MARCHF11: variants seen among roughly 807,000 people sequenced by gnomAD.
The protein encoded by MARCHF11 is membrane associated ring-CH-type finger 11.
MARCHF11 carries 29 observed loss-of-function variants against 37.3 expected under a neutral mutation model. The ratio of observed to expected loss-of-function variants is 0.78; its 90% CI spans 0.58 to 1.06. MARCHF11 has a LOEUF of 1.06. MARCHF11 is among the 50% of genes least tolerant of loss of function. The pLI is 0.00. For missense variants in MARCHF11, 482 were observed against 533.4 expected, an observed-to-expected ratio of 0.90 and a Z score of 0.95; for synonymous variants, 233 against 228.0, an observed-to-expected ratio of 1.02 and a Z score of -0.20.
Position 16,076,926 on chromosome 5 carries a change from G to C in MARCHF11, c.887-9133C>G, listed in dbSNP as rs376496558. Among the ~76,000 whole-genome samples, 45 of 152,364 alleles carry C rather than the reference G, an allele frequency of 3.0e-4. 2 individuals carry two copies. The highest frequency in any genetic ancestry group is 1.1e-3 in the African/African-American group (45 of 41,596). On this transcript the variant is annotated intron_variant, in intron 3 of 3. Coordinates refer to ENST00000332432, the MANE Select transcript of MARCHF11 (RefSeq NM_001102562.3). The stretch of plus-strand genomic sequence containing the variant: ...GGGATATTACACTGACTATGAAGGA[G>C]ATGACAGAATTAAATTAAAATCTCT...
intron 3 of MARCHF11, among the ~76,000 whole-genome samples, chr5:16,070,230 T>C (rs1353871263): frequency 6.6e-6 from 1 of 152,196 alleles, no homozygotes; most frequent in Non-Finnish European, 1.5e-5. Flanking sequence ...TTCCCCATGG[T>C]CAATAATTTA....
At chr5:16,119,826 T>C (rs1737284362) in intron 2 of MARCHF11, among the ~76,000 whole-genome samples, 1 of 152,210 alleles carries the variant, frequency 6.6e-6, no homozygotes, top group South Asian at 2.1e-4. Flanking sequence ...TTTCTATTTA[T>C]AGTAGTAAAA....
rs562452448 is a variant in MARCHF11, at chr5:16,121,201, C to T, written c.694-30120G>A. 2.6e-5 allele frequency among the ~76,000 whole-genome samples: 4 copies of T among 152,336 alleles called. No individual in the cohort carries two copies. In the South Asian group the frequency reaches 8.3e-4, roughly 32 times the overall value. ...CTATGATCCATCAGTGAGGCCCTCC[C>T]TTAATACATTCATTATACAGAAGTA... On this transcript the variant is annotated intron_variant, in intron 2 of 3. Transcript: ENST00000332432.
chr5:16,156,658 A>C (rs982419139), intron 2 of MARCHF11, among the ~76,000 whole-genome samples: 2 of 151,880 alleles, frequency 1.3e-5, no homozygotes, highest in African/African-American at 4.8e-5. Flanking sequence ...TATGGTCATT[A>C]ATTGCTTAAT....
intron 2 of MARCHF11, among the ~76,000 whole-genome samples, chr5:16,165,287 C>T (rs892907677): frequency 3.3e-5 from 5 of 151,330 alleles, no homozygotes; most frequent in Non-Finnish European, 4.4e-5. Context: ...TTTTTATTTA[C>T]ATAAAAGTTA....
chr5:16,172,810 G>C (rs1738292523), intron 2 of MARCHF11, among the ~76,000 whole-genome samples: 1 of 152,128 alleles, frequency 6.6e-6, no homozygotes, highest in African/African-American at 2.4e-5. Flanking sequence ...GTTAATTAAA[G>C]TTCTATGTAT....
chr5:16,090,265 G>T (rs373705571), intron 3 of MARCHF11, among the ~76,000 whole-genome samples: 1 of 152,188 alleles, frequency 6.6e-6, no homozygotes, highest in Non-Finnish European at 1.5e-5. Context: ...GGGAACAACA[G>T]ATGGGTCAAA....
intron 3 of MARCHF11, among the ~76,000 whole-genome samples, chr5:16,068,688 C>T (rs1289732747): frequency 6.6e-6 from 1 of 152,224 alleles, no homozygotes; most frequent in African/African-American, 2.4e-5. Flanking sequence ...AGATCTGTCA[C>T]ACACCCTGCA....
At chr5:16,098,171 G>A (rs115561811) in intron 2 of MARCHF11, among the ~76,000 whole-genome samples, 109 of 152,100 alleles carry the variant, frequency 7.2e-4, no homozygotes, top group Middle Eastern at 6.8e-3. Flanking sequence ...ACCTGAAAAG[G>A]GCATCTAAAA....
At chr5:16,103,408 A>G (rs1158503984) in intron 2 of MARCHF11, among the ~76,000 whole-genome samples, 1 of 152,168 alleles carries the variant, frequency 6.6e-6, no homozygotes, top group Non-Finnish European at 1.5e-5. Context: ...CCACGTGAGC[A>G]AGCTTGAAGG....
rs1276794685 is a variant in MARCHF11, at chr5:16,129,752, A to G, written c.694-38671T>C. ...TGAGTTTGTTTTCAGGTATTTCAAGAAGACATAGTGATTTCCAATTGACAT... is the reference window on the plus strand; with the variant it reads ...TGAGTTTGTTTTCAGGTATTTCAAGGAGACATAGTGATTTCCAATTGACAT... On this transcript the variant is annotated intron_variant, in intron 2 of 3. Transcript: ENST00000332432. Among the ~76,000 whole-genome samples, 3 of 152,294 alleles carry G rather than the reference A, an allele frequency of 2.0e-5. No homozygotes were observed. The East Asian group carries it at 5.8e-4, about 29-fold the overall frequency.
chr5:16,099,060 C>T (rs532832878), intron 2 of MARCHF11, among the ~76,000 whole-genome samples: 1 of 151,948 alleles, frequency 6.6e-6, no homozygotes, highest in Admixed American at 6.6e-5. Flanking sequence ...ACTTTTTAAG[C>T]TTAATAAAAG....
chr5:16,112,841 T>A (rs527913438), intron 2 of MARCHF11, among the ~76,000 whole-genome samples: 12 of 152,256 alleles, frequency 7.9e-5, no homozygotes, highest in African/African-American at 2.6e-4. Context: ...TGGAGGTGGT[T>A]TCCCCCATAC....
chr5:16,109,496 G>C (rs1287868732), intron 2 of MARCHF11, among the ~76,000 whole-genome samples: 1 of 152,208 alleles, frequency 6.6e-6, no homozygotes, highest in African/African-American at 2.4e-5. Flanking sequence ...GCCCGGAGAG[G>C]GCATGCAAGC....
chr5:16,118,085 G>A (rs1472658742), intron 2 of MARCHF11, among the ~76,000 whole-genome samples: 3 of 152,204 alleles, frequency 2.0e-5, no homozygotes, highest in African/African-American at 7.2e-5. Context: ...AAGAACAGGG[G>A]ACAGGTGTGC....
chr5:16,126,695 A>G (rs1737415621), intron 2 of MARCHF11, among the ~76,000 whole-genome samples: 1 of 152,222 alleles, frequency 6.6e-6, no homozygotes, highest in Non-Finnish European at 1.5e-5. Context: ...AGCATTTCAA[A>G]TATTTCAAAG....
rs78459516 is a variant in MARCHF11 at position 16,142,041 on chromosome 5, A to C, written c.693+35685T>G. ...CCACATAAGTCACTGCCAAAAATGT[A>C]GAAGACAGACTTGTGATCATTTTTA... On this transcript the variant is annotated intron_variant, in intron 2 of 3. Transcript: ENST00000332432. Among the ~76,000 whole-genome samples the C allele has an allele frequency of 4.9e-3, 741 of 152,356 alleles. 6 individuals carry two copies. Among genetic ancestry groups the C allele is most frequent in the Non-Finnish European group, 8.5e-3 (576 of 68,028 alleles).
intron 2 of MARCHF11, among the ~76,000 whole-genome samples, chr5:16,142,725 C>G (rs907152632): frequency 8.6e-6 from 1 of 115,686 alleles, no homozygotes; most frequent in African/African-American, 3.4e-5. Context: ...GAGTTTCGCT[C>G]TTGTTGCCTA....
rs373666902 is a variant in MARCHF11 at position 16,074,559 on chromosome 5, T to A, written c.887-6766A>T. On this transcript the variant is annotated intron_variant, in intron 3 of 3. Transcript: ENST00000332432. ...GTTGACTATAAATGGTATAGAGCTT[T>A]GCTCTTCTCAGAATGACTGAGAACC... is the stretch of plus-strand genomic sequence containing the variant. 2.0e-5 allele frequency among the ~76,000 whole-genome samples: 3 copies of A among 152,324 alleles called. No homozygotes were observed. In the East Asian group the frequency reaches 5.8e-4, roughly 29 times the overall value.
Sources: allele counts gnomAD v4.1 joint callset (sites outside exome capture counted in the v4.1 genomes callset), GRCh38; gene constraint gnomAD v4.1.1; transcripts MANE v1.5; gene names NCBI Gene and HGNC (gene_info 2026-07-23, HGNC 2026-07-21).